MRTFA: variants seen among roughly 807,000 people sequenced by gnomAD.
MRTFA encodes the protein myocardin related transcription factor A, also known as myocardin-related transcription factor A.
Under a neutral mutation model 83.5 loss-of-function variants are expected in MRTFA, and 20 were observed. The observed-to-expected ratio is 0.24, with a 90% CI of 0.17 to 0.35. The LOEUF (loss-of-function observed/expected upper bound fraction) is 0.35. MRTFA is among the 10% of genes least tolerant of loss of function. The pLI is 1.00. For missense variants in MRTFA, 1,200 were observed against 1,224.7 expected (o/e 0.98, Z 0.30); for synonymous variants, 659 against 541.2 (o/e 1.22, Z -3.02).
In MRTFA at chr22:40,418,725, G is replaced by A. The variant is rs768292132; in HGVS notation, c.2013C>T (p.Leu671=). 3.1e-5 allele frequency: 46 copies of A among 1,469,758 alleles called. No homozygotes were observed. The highest frequency in any genetic ancestry group is 1.3e-4 in the African/African-American group (9 of 70,056). 91.0% of individuals were successfully genotyped at this position (1,469,758 alleles called of 1,614,324 possible). A position where few individuals can be genotyped will look rare whatever the true frequency, so the allele number is the denominator to read the frequency against. Residue 671 remains leucine, a synonymous_variant, in exon 12 of 15, where the codon CTC becomes CTT. Coordinates refer to ENST00000355630, the MANE Select transcript of MRTFA (RefSeq NM_020831.6). ...TGTTCTCCTGCTTCACGGGGGTGCC[G>A]AGGGGGGCGGGGGCGGGGGCGGGCT...
intron 2 of MRTFA, among the ~76,000 whole-genome samples, chr22:40,585,488 T>C (rs2056015118): frequency 6.6e-6 from 1 of 152,102 alleles, no homozygotes; most frequent in Admixed American, 6.5e-5. Context: ...TGGAGATGGA[T>C]GGTGATGACA....
At chr22:40,625,309 T>C (rs1382279920) in intron 1 of MRTFA, among the ~76,000 whole-genome samples, 1 of 151,396 alleles carries the variant, frequency 6.6e-6, no homozygotes, top group African/African-American at 2.4e-5. Flanking sequence ...GTGAGACACC[T>C]GTCCCTAAAA....
chr22:40,615,809 C>T (rs947882992), intron 1 of MRTFA, among the ~76,000 whole-genome samples: 1 of 151,850 alleles, frequency 6.6e-6, no homozygotes, highest in Non-Finnish European at 1.5e-5. Flanking sequence ...CTCAGCCTCC[C>T]GAGTAGCTGG....
At chr22:40,529,448 C>G (rs945876836) in intron 3 of MRTFA, among the ~76,000 whole-genome samples, 3 of 152,144 alleles carry the variant, frequency 2.0e-5, no homozygotes, top group Admixed American at 1.3e-4. Context: ...TCCCAAGTAG[C>G]TGGAATTACA....
intron 2 of MRTFA, among the ~76,000 whole-genome samples, chr22:40,590,680 GAAAA>G (rs56366993): frequency 1.2e-5 from 1 of 81,362 alleles, no homozygotes; most frequent in East Asian, 3.1e-4. Flanking sequence ...CTCAAAAAAA[GAAAA>G]AAAAAAAAAA....
intron 1 of MRTFA, among the ~76,000 whole-genome samples, chr22:40,602,125 G>C (rs1260006891): frequency 6.6e-6 from 1 of 152,178 alleles, no homozygotes; most frequent in African/African-American, 2.4e-5. Context: ...AACACAGAGA[G>C]GGACCTATAC....
At chr22:40,613,399 G>A (rs1021566147) in intron 1 of MRTFA, among the ~76,000 whole-genome samples, 2 of 152,150 alleles carry the variant, frequency 1.3e-5, no homozygotes, top group African/African-American at 4.8e-5. Context: ...ATCTAACCTT[G>A]TAAGAAACTG....
intron 2 of MRTFA, among the ~76,000 whole-genome samples, chr22:40,589,455 T>C (rs1278335190): frequency 1.3e-5 from 2 of 152,188 alleles, no homozygotes; most frequent in Non-Finnish European, 2.9e-5. Context: ...GTTAAGTAAC[T>C]GCTGAGCCAG....
At chr22:40,523,951 T>G (rs1202798218) in intron 3 of MRTFA, among the ~76,000 whole-genome samples, 1 of 152,180 alleles carries the variant, frequency 6.6e-6, no homozygotes, top group African/African-American at 2.4e-5. Flanking sequence ...ATTAATATTT[T>G]AGTTCCTCAA....
At chr22:40,505,499 T>C (rs368777967) in intron 3 of MRTFA, among the ~76,000 whole-genome samples, 11 of 152,340 alleles carry the variant, frequency 7.2e-5, no homozygotes, top group African/African-American at 2.6e-4. Flanking sequence ...ACAAGAGAAG[T>C]AGTCAATACA....
At chr22:40,612,617 T>C (rs942872581) in intron 1 of MRTFA, among the ~76,000 whole-genome samples, 18 of 152,264 alleles carry the variant, frequency 1.2e-4, no homozygotes, top group Admixed American at 3.3e-4. Context: ...GATAAGTGTA[T>C]ACTCTCATAA....
chr22:40,599,820 CCCCG>C (rs1197775699), intron 1 of MRTFA, among the ~76,000 whole-genome samples: 1 of 151,570 alleles, frequency 6.6e-6, no homozygotes, highest in Non-Finnish European at 1.5e-5. Flanking sequence ...GATCGCTTGA[CCCCG>C]GGAGGTTGAG....
chr22:40,528,835 C>T (rs990574375), intron 3 of MRTFA, among the ~76,000 whole-genome samples: 1 of 151,584 alleles, frequency 6.6e-6, no homozygotes, highest in African/African-American at 2.4e-5. Context: ...GAATGTGGCC[C>T]AACACAAATT....
chr22:40,481,886 C>G (rs2054098281), intron 3 of MRTFA, among the ~76,000 whole-genome samples: 1 of 152,012 alleles, frequency 6.6e-6, no homozygotes. Context: ...CGGTGAAACC[C>G]CGTCTCTACT....
At chr22:40,582,464 C>T (rs1363075100) in intron 2 of MRTFA, among the ~76,000 whole-genome samples, 1 of 152,042 alleles carries the variant, frequency 6.6e-6, no homozygotes, top group East Asian at 1.9e-4. Flanking sequence ...AATGGTAATT[C>T]TACGTTATGC....
At chr22:40,533,890 C>T in intron 3 of MRTFA, 1 of 339,504 alleles carries the variant, frequency 2.9e-6, no homozygotes. Flanking sequence ...GTGGTTAGAA[C>T]AGTGAGCAAG....
chr22:40,592,517 C>A (rs2056136901), intron 2 of MRTFA, among the ~76,000 whole-genome samples: 1 of 144,238 alleles, frequency 6.9e-6, no homozygotes, highest in Non-Finnish European at 1.5e-5. Context: ...GAGACAGGGT[C>A]TCACTCTGTC....
rs1261744978 is a variant in MRTFA at position 40,431,462 on chromosome 22, G to T, written c.382C>A (p.Arg128=). The T allele has an allele frequency of 6.2e-7, 1 of 1,613,984 alleles. No homozygotes were observed. The highest frequency in any genetic ancestry group is 8.5e-7 in the Non-Finnish European group (1 of 1,179,884). ...CTCTCCGGCCGGGAACGAATCTTCC[G>T]TTTGAGATAGTCCTCTGTCTACAGA... Residue 128 remains arginine (R), a synonymous_variant, in exon 6 of 15, where the codon CGG becomes AGG. Transcript: ENST00000355630.
intron 3 of MRTFA, among the ~76,000 whole-genome samples, chr22:40,470,034 G>GCCAA (rs1355102335): frequency 6.6e-6 from 1 of 151,536 alleles, no homozygotes; most frequent in Non-Finnish European, 1.5e-5. Flanking sequence ...GACCAGCCTG[G>GCCAA]CCAACATGGT....
Sources: allele counts gnomAD v4.1 joint callset (sites outside exome capture counted in the v4.1 genomes callset), GRCh38; gene constraint gnomAD v4.1.1; transcripts MANE v1.5; gene names NCBI Gene and HGNC (gene_info 2026-07-23, HGNC 2026-07-21).